Variants in TCF7L1 observed in about 807,000 individuals in gnomAD.
TCF7L1 encodes transcription factor 7 like 1, also known as transcription factor 7-like 1.
TCF7L1 carries 18 observed loss-of-function variants against 63.7 expected under a neutral mutation model. The observed-to-expected ratio is 0.28, with a 90% CI of 0.20 to 0.42. The LOEUF (loss-of-function observed/expected upper bound fraction) is 0.42. Among genes scored for constraint, TCF7L1 ranks in the 10% least tolerant of loss-of-function variants. TCF7L1 has a pLI of 1.00. For synonymous variants in TCF7L1, 355 were observed against 340.9 expected (o/e 1.04, Z -0.46); for missense variants, 654 against 779.3 (o/e 0.84, Z 1.91).
intron 3 of TCF7L1, among the ~76,000 whole-genome samples, chr2:85,162,493 C>T (rs1678313801): frequency 6.6e-6 from 1 of 152,186 alleles, no homozygotes; most frequent in Admixed American, 6.5e-5. Context: ...TTCACTCGAG[C>T]AGTGGTTCCC....
chr2:85,138,495 T>A (rs1677647618), intron 3 of TCF7L1, among the ~76,000 whole-genome samples: 1 of 150,852 alleles, frequency 6.6e-6, no homozygotes, highest in Non-Finnish European at 1.5e-5. Context: ...ATATAACTTC[T>A]GTTTCATTTT....
intron 3 of TCF7L1, chr2:85,262,269 G>A (rs1277948055): frequency 9.3e-6 from 4 of 430,536 alleles, no homozygotes; most frequent in African/African-American, 8.0e-5. Flanking sequence ...GTTGATGGGC[G>A]CATCTTCACC....
chr2:85,277,226 G>A (rs942873205), intron 3 of TCF7L1, among the ~76,000 whole-genome samples: 1 of 152,156 alleles, frequency 6.6e-6, no homozygotes, highest in Non-Finnish European at 1.5e-5. Context: ...AGGATTTGCA[G>A]TAGTCCAGGC....
chr2:85,244,538 G>A (rs754157105), intron 3 of TCF7L1, among the ~76,000 whole-genome samples: 38 of 152,162 alleles, frequency 2.5e-4, no homozygotes, highest in Admixed American at 1.2e-3. Context: ...AATGTCTCCT[G>A]GGCAGTGGGA....
At chr2:85,204,303 C>G (rs1340171751) in intron 3 of TCF7L1, among the ~76,000 whole-genome samples, 1 of 116,332 alleles carries the variant, frequency 8.6e-6, no homozygotes, top group Non-Finnish European at 1.9e-5. Context: ...CCCCCCCCCC[C>G]CCACTTAATA....
intron 3 of TCF7L1, among the ~76,000 whole-genome samples, chr2:85,254,984 C>T (rs55936700): frequency 0.051 from 7,809 of 152,298 alleles, 276 homozygotes; most frequent in Non-Finnish European, 0.077. Flanking sequence ...AACTGGCTGT[C>T]TTGAGAGGTG....
chr2:85,286,471 GT>G (rs1681557347), intron 4 of TCF7L1, among the ~76,000 whole-genome samples: 1 of 152,234 alleles, frequency 6.6e-6, no homozygotes, highest in East Asian at 1.9e-4. Flanking sequence ...GAGGCCAGGA[GT>G]TTGAGACCAG....
At chr2:85,282,795 TG>T in intron 3 of TCF7L1, among the ~76,000 whole-genome samples, 3 of 9,058 alleles carry the variant, frequency 3.3e-4, no homozygotes. Flanking sequence ...AGAGAGAGAT[TG>T]TGTGTGTGTG....
In TCF7L1 at chr2:85,185,438, G is replaced by A. The variant is rs538781139; in HGVS notation, c.441+50988G>A. On this transcript the variant is annotated intron_variant, in intron 3 of 11. Transcript: ENST00000282111. ...ACACTCAGCAACATCACGTCTTACA[G>A]AAGAGGAAATGGGAGGCACAGAGAA... 3.3e-4 allele frequency among the ~76,000 whole-genome samples: 50 copies of A among 152,170 alleles called. No individual in the cohort carries two copies. The South Asian group carries it at 0.01, about 31-fold the overall frequency.
chr2:85,193,217 C>CA (rs1351797008), intron 3 of TCF7L1, among the ~76,000 whole-genome samples: 1 of 152,058 alleles, frequency 6.6e-6, no homozygotes, highest in East Asian at 1.9e-4. Context: ...CACAGAGGGC[C>CA]AAGTGACTTG....
chr2:85,148,193 A>G (rs752794873), intron 3 of TCF7L1, among the ~76,000 whole-genome samples: 1 of 152,168 alleles, frequency 6.6e-6, no homozygotes, highest in Non-Finnish European at 1.5e-5. Flanking sequence ...CAGATGATGC[A>G]AAGGAGAGTT....
At chr2:85,192,345 G>A (rs1679052297) in intron 3 of TCF7L1, among the ~76,000 whole-genome samples, 1 of 152,140 alleles carries the variant, frequency 6.6e-6, no homozygotes, top group East Asian at 1.9e-4. Flanking sequence ...AAAACAGTAT[G>A]TATTAAATGA....
Position 85,309,621 on chromosome 2 carries a change from A to G in TCF7L1, c.*159A>G, listed in dbSNP as rs1682227430. ...CACTTTACAGTTTGTAGATGTAACC[A>G]GTAGCTGATCTTAAGGCTTTTTTAA... On this transcript the variant is annotated 3_prime_UTR_variant, in exon 12 of 12. Transcript: ENST00000282111. The G allele has an allele frequency of 1.7e-6, 1 of 593,002 alleles. No individual in the cohort carries two copies. The highest frequency in any genetic ancestry group is 3.8e-5 in the Admixed American group (1 of 26,610). 36.7% of individuals were successfully genotyped at this position (593,002 alleles called of 1,614,324 possible). A position where few individuals can be genotyped will look rare whatever the true frequency, so the allele number is the denominator to read the frequency against.
intron 3 of TCF7L1, among the ~76,000 whole-genome samples, chr2:85,168,449 G>C (rs974356044): frequency 2.0e-4 from 31 of 152,152 alleles, no homozygotes; most frequent in Non-Finnish European, 1.0e-4. Context: ...GGTTTAACCA[G>C]GCAGGCCCTA....
intron 3 of TCF7L1, among the ~76,000 whole-genome samples, chr2:85,281,948 C>T (rs938317934): frequency 6.6e-6 from 1 of 152,092 alleles, no homozygotes; most frequent in African/African-American, 2.4e-5. Context: ...TTGATTTTTC[C>T]TGATATTACA....
At chr2:85,290,317 A>G (rs908616933) in intron 4 of TCF7L1, among the ~76,000 whole-genome samples, 7 of 151,782 alleles carry the variant, frequency 4.6e-5, no homozygotes, top group African/African-American at 1.7e-4. Flanking sequence ...CTGTGCATAT[A>G]TTTGTATACG....
intron 3 of TCF7L1, among the ~76,000 whole-genome samples, chr2:85,230,422 C>T (rs551867642): frequency 4.0e-5 from 6 of 151,174 alleles, no homozygotes; most frequent in Middle Eastern, 3.4e-3. Flanking sequence ...CAACCTCCAC[C>T]TCCTGGGTTC....
chr2:85,266,776 T>C (rs1680985135), intron 3 of TCF7L1, among the ~76,000 whole-genome samples: 1 of 152,262 alleles, frequency 6.6e-6, no homozygotes, highest in African/African-American at 2.4e-5. Context: ...GTATTTATAA[T>C]ATTGATTTGC....
At chr2:85,195,656 C>G (rs1018411270) in intron 3 of TCF7L1, among the ~76,000 whole-genome samples, 2 of 152,106 alleles carry the variant, frequency 1.3e-5, no homozygotes, top group African/African-American at 4.8e-5. Context: ...AGGAGATCCT[C>G]TCACTGCAGC....
Sources: gnomAD v4.1 joint callset for allele counts (sites outside exome capture counted in the v4.1 genomes callset) on GRCh38, gnomAD v4.1.1 for gene constraint, MANE v1.5 for transcripts, NCBI Gene and HGNC (gene_info 2026-07-23, HGNC 2026-07-21) for gene names.